Variants in PROS1 observed in about 807,000 individuals in gnomAD.
The protein encoded by PROS1 is protein S, also known as vitamin K-dependent protein S.
A neutral mutation model predicts 75.9 loss-of-function variants in PROS1; 29 were observed. The ratio of observed to expected loss-of-function variants is 0.38; its 90% CI spans 0.28 to 0.52. PROS1 has a LOEUF of 0.52. Ranked by LOEUF, PROS1 falls within the 20% of genes least tolerant of loss-of-function variation. The pLI, the probability that PROS1 is intolerant of heterozygous loss-of-function variation, is 0.83. For missense variants in PROS1, 680 were observed against 810.3 expected (o/e 0.84, Z 1.95); for synonymous variants, 245 against 280.6 (o/e 0.87, Z 1.27).
chr3:93,900,904 T>A lies in PROS1; in HGVS notation c.627A>T (p.Pro209=). The change falls in exon 7 of 15, where the codon CCA becomes CCT. Residue 209 remains proline, a synonymous_variant. Transcript: ENST00000394236. ...CKDVDECSLK[P]SICGTAVCKN... is the part of the protein sequence containing the mutation. ...TGCACACAGCTGTGCCACAAATGCT[T>A]GGCTTCAAAGAGCATTCATCCACAT... is the stretch of plus-strand genomic sequence containing the variant. The A allele has an allele frequency of 1.9e-6, 3 of 1,614,000 alleles. No individual in the cohort carries two copies. The highest frequency in any genetic ancestry group is 2.5e-6 in the Non-Finnish European group (3 of 1,179,956).
intron 1 of PROS1, among the ~76,000 whole-genome samples, chr3:93,928,986 C>G (rs1174449031): frequency 1.3e-5 from 2 of 152,154 alleles, no homozygotes; most frequent in Non-Finnish European, 1.5e-5. Context: ...CATTCTTGTA[C>G]ACTGGTAGTG....
intron 1 of PROS1, among the ~76,000 whole-genome samples, chr3:93,969,739 T>G (rs1252611084): frequency 2.0e-5 from 3 of 152,210 alleles, no homozygotes; most frequent in Admixed American, 2.0e-4. Flanking sequence ...TCCAATAAAT[T>G]ATTTAACTGC....
chr3:93,913,177 T>A (rs1708785777), intron 3 of PROS1, among the ~76,000 whole-genome samples: 1 of 152,148 alleles, frequency 6.6e-6, no homozygotes, highest in Non-Finnish European at 1.5e-5. Flanking sequence ...TGTTTGGTAG[T>A]TCCTTCTGCA....
intron 12 of PROS1, among the ~76,000 whole-genome samples, chr3:93,884,104 C>T (rs903341830): frequency 1.2e-4 from 18 of 152,134 alleles, no homozygotes; most frequent in Admixed American, 1.1e-3. Flanking sequence ...TTTCCAGACA[C>T]AAATATTCTT....
intron 6 of PROS1, among the ~76,000 whole-genome samples, chr3:93,903,717 T>C (rs1291004658): frequency 6.6e-6 from 1 of 152,172 alleles, no homozygotes; most frequent in Non-Finnish European, 1.5e-5. Context: ...ATTAAAGTAT[T>C]TAAGCGTAGA....
intron 3 of PROS1, among the ~76,000 whole-genome samples, chr3:93,923,769 A>G (rs1380543828): frequency 3.9e-5 from 6 of 151,986 alleles, no homozygotes; most frequent in African/African-American, 1.4e-4. Flanking sequence ...GTGTGGTGGC[A>G]CATGCCTGTA....
chr3:93,962,745 A>T (rs1313495408), intron 1 of PROS1, among the ~76,000 whole-genome samples: 2 of 152,198 alleles, frequency 1.3e-5, no homozygotes, highest in Admixed American at 1.3e-4. Flanking sequence ...GACTGAGAGC[A>T]GTGGACTCTC....
intron 3 of PROS1, among the ~76,000 whole-genome samples, chr3:93,916,225 T>C (rs1708846166): frequency 6.6e-6 from 1 of 152,170 alleles, no homozygotes; most frequent in African/African-American, 2.4e-5. Flanking sequence ...GGTTCATTTG[T>C]CCTTCTTCTT....
intron 14 of PROS1, among the ~76,000 whole-genome samples, chr3:93,875,642 CT>C (rs1708171957): frequency 6.6e-6 from 1 of 150,386 alleles, no homozygotes; most frequent in African/African-American, 2.4e-5. Flanking sequence ...ATCTATCTAT[CT>C]ATCTATCTAT....
At chr3:93,967,775 G>C (rs565247013) in intron 1 of PROS1, among the ~76,000 whole-genome samples, 5 of 152,240 alleles carry the variant, frequency 3.3e-5, no homozygotes, top group Admixed American at 3.3e-4. Context: ...TATAGTCCTA[G>C]TTACTTGGGA....
chr3:93,951,738 C>G (rs1024748296), intron 1 of PROS1, among the ~76,000 whole-genome samples: 2 of 152,162 alleles, frequency 1.3e-5, no homozygotes, highest in African/African-American at 4.8e-5. Context: ...ACAATATTAA[C>G]CTTAAATGCA....
At chr3:93,958,857 A>T (rs1278146841) in intron 1 of PROS1, 1 of 152,358 alleles carries the variant, frequency 6.6e-6, no homozygotes, top group African/African-American at 2.4e-5. Context: ...AAGTCCAGTT[A>T]TACCTCTTTC....
At chr3:93,942,063 A>T (rs1486802308) in intron 1 of PROS1, among the ~76,000 whole-genome samples, 1 of 151,940 alleles carries the variant, frequency 6.6e-6, no homozygotes, top group African/African-American at 2.4e-5. Flanking sequence ...CCATTTCCCC[A>T]TATTTCCTTC....
At position 93,924,226 on chromosome 3, in the gene PROS1, T is replaced by A. The variant is rs1230656854; in HGVS notation, c.259+14A>T. 1.5e-6 allele frequency: 2 copies of A among 1,305,514 alleles called. No individual in the cohort carries two copies. The highest frequency in any genetic ancestry group is 2.6e-5 in the East Asian group (1 of 39,150). The allele number at this position is 1,305,514 out of a possible 1,614,324, so 80.9% of individuals were successfully genotyped here. On this transcript the variant is annotated intron_variant, in intron 3 of 14. Transcript: ENST00000394236. Reference sequence around the variant, plus strand: ...CATTTCTAAGATTATATAATTGAGATGTTTTGAACTTACCTAAGTATTTTG... The same window carrying A: ...CATTTCTAAGATTATATAATTGAGAAGTTTTGAACTTACCTAAGTATTTTG...
chr3:93,923,934 C>T (rs1213241854), intron 3 of PROS1, among the ~76,000 whole-genome samples: 3 of 150,444 alleles, frequency 2.0e-5, no homozygotes, highest in Admixed American at 6.6e-5. Flanking sequence ...CCCATGAAAA[C>T]GCATATGCTC....
intron 3 of PROS1, among the ~76,000 whole-genome samples, chr3:93,916,288 T>C (rs1192292668): frequency 6.6e-6 from 1 of 152,186 alleles, no homozygotes; most frequent in Non-Finnish European, 1.5e-5. Context: ...TTCATTAGAA[T>C]CATCGTTTTT....
intron 1 of PROS1, among the ~76,000 whole-genome samples, chr3:93,927,981 A>ATG (rs200688344): frequency 0.017 from 1,216 of 72,924 alleles, 18 homozygotes; most frequent in Middle Eastern, 0.037. Context: ...GTGTATATAT[A>ATG]TGTGTGTGTG....
chr3:93,913,579 G>T (rs1207892055), intron 3 of PROS1, among the ~76,000 whole-genome samples: 2 of 152,162 alleles, frequency 1.3e-5, no homozygotes, highest in African/African-American at 4.8e-5. Flanking sequence ...ACATGAAAAT[G>T]AACTAATACG....
chr3:93,875,662 CTAT>C (rs746396463), intron 14 of PROS1, among the ~76,000 whole-genome samples: 1 of 136,878 alleles, frequency 7.3e-6, no homozygotes. Flanking sequence ...ATCTATCTAT[CTAT>C]CTATCTATCT....
Sources: allele counts gnomAD v4.1 joint callset (sites outside exome capture counted in the v4.1 genomes callset), GRCh38; gene constraint gnomAD v4.1.1; transcripts MANE v1.5; gene names NCBI Gene and HGNC (gene_info 2026-07-23, HGNC 2026-07-21).